UGT1A7: variants seen among roughly 807,000 people sequenced by gnomAD.
UGT1A7 encodes the protein UDP-glucuronosyltransferase 1A7.
Under a neutral mutation model 45.6 loss-of-function variants are expected in UGT1A7, and 33 were observed. That is an observed-to-expected ratio of 0.72 (90% CI 0.55 to 0.97). The LOEUF is 0.97. Ranked by LOEUF, UGT1A7 falls within the 50% of genes least tolerant of loss-of-function variation. The pLI is 0.00. For synonymous variants in UGT1A7, 274 were observed against 250.6 expected (o/e 1.09, Z -0.88); for missense variants, 684 against 666.2 (o/e 1.03, Z -0.29).
intron 1 of UGT1A7, chr2:233,743,944 C>T (rs558062868): frequency 4.4e-5 from 59 of 1,351,522 alleles, no homozygotes; most frequent in Non-Finnish European, 5.5e-5. Flanking sequence ...GCCCACCAGG[C>T]ACTGGCACAG....
At chr2:233,706,564 T>A (rs2125604446) in intron 1 of UGT1A7, among the ~76,000 whole-genome samples, 1 of 152,250 alleles carries the variant, frequency 6.6e-6, no homozygotes, top group South Asian at 2.1e-4. Flanking sequence ...TCTCAAACCT[T>A]AGGGTAAGAG....
intron 1 of UGT1A7, among the ~76,000 whole-genome samples, chr2:233,759,225 G>A (rs984421918): frequency 4.6e-5 from 7 of 152,188 alleles, no homozygotes; most frequent in Admixed American, 2.0e-4. Context: ...TTATGCAAAT[G>A]AAGGATGGAA....
chr2:233,690,705 G>T (rs563167001), intron 1 of UGT1A7: 10 of 1,228,730 alleles, frequency 8.1e-6, no homozygotes, highest in Non-Finnish European at 1.0e-5. Context: ...TTTAGGGATC[G>T]TCATTATGAC....
At chr2:233,732,592 G>T (rs1029582982) in intron 1 of UGT1A7, among the ~76,000 whole-genome samples, 1 of 152,094 alleles carries the variant, frequency 6.6e-6, no homozygotes, top group African/African-American at 2.4e-5. Flanking sequence ...TTTTTGTCAG[G>T]TTTGTCAAAG....
intron 1 of UGT1A7, among the ~76,000 whole-genome samples, chr2:233,683,437 G>T (rs192559785): frequency 4.6e-5 from 7 of 152,160 alleles, no homozygotes; most frequent in South Asian, 2.1e-4. Context: ...GCAATAATAA[G>T]AATTCTTGTA....
chr2:233,712,754 C>T lies in UGT1A7; in HGVS notation c.855+29962C>T, dbSNP rs910147754. ...GCTTGAACTTGGATGTTCCCCAGAGCGAGCGCAAGGTCAGATGAGTTTTTC... is the reference window on the plus strand; with the variant it reads ...GCTTGAACTTGGATGTTCCCCAGAGTGAGCGCAAGGTCAGATGAGTTTTTC... On this transcript the variant is annotated intron_variant, in intron 1 of 4. Coordinates refer to ENST00000373426, the MANE Select transcript of UGT1A7 (RefSeq NM_019077.3). Among the ~76,000 whole-genome samples the T allele has an allele frequency of 2.6e-5, 4 of 151,984 alleles. No homozygotes were observed. The East Asian group carries it at 5.8e-4, about 22-fold the overall frequency.
At position 233,769,509 on chromosome 2, in the gene UGT1A7, C is replaced by T; in HGVS notation, c.1295+1070C>T. 2 of 1,612,822 alleles carry T rather than the reference C, an allele frequency of 1.2e-6. No homozygotes were observed. Among genetic ancestry groups the T allele is most frequent in the Non-Finnish European group, 1.7e-6 (2 of 1,179,850 alleles). On this transcript the variant is annotated intron_variant, in intron 4 of 4. Coordinates refer to ENST00000373426, the MANE Select transcript of UGT1A7 (RefSeq NM_019077.3). This position sits in a 1 kb window ranked among gnomAD's most constrained non-coding sequence, Gnocchi z 4.4. Reference sequence around the variant, plus strand: ...TGTTTATGAGAGTGTCCATTGCTTTCTCCCATGGTTACCTCCTTTAGAAAG... The same window carrying T: ...TGTTTATGAGAGTGTCCATTGCTTTTTCCCATGGTTACCTCCTTTAGAAAG...
At chr2:233,765,400 T>G (rs1698825297) in intron 1 of UGT1A7, among the ~76,000 whole-genome samples, 1 of 152,170 alleles carries the variant, frequency 6.6e-6, no homozygotes, top group Admixed American at 6.5e-5. Context: ...ATGTGGTACA[T>G]ATACACCATG....
At chr2:233,687,854 G>T (rs910544151) in intron 1 of UGT1A7, among the ~76,000 whole-genome samples, 1 of 152,130 alleles carries the variant, frequency 6.6e-6, no homozygotes, top group Non-Finnish European at 1.5e-5. Flanking sequence ...GCTGCAGTAA[G>T]CCATGACTAT....
intron 1 of UGT1A7, chr2:233,754,823 A>T (rs1695601999): frequency 7.5e-7 from 1 of 1,338,226 alleles, no homozygotes; most frequent in South Asian, 1.2e-5. Flanking sequence ...CACCCTCAAA[A>T]GCTGGAAATT....
At chr2:233,688,425 CTA>C (rs2074893885) in intron 1 of UGT1A7, among the ~76,000 whole-genome samples, 1 of 152,216 alleles carries the variant, frequency 6.6e-6, no homozygotes, top group Non-Finnish European at 1.5e-5. Context: ...TGCCTAACCT[CTA>C]TACCTGACTG....
At chr2:233,729,022 G>A (rs1236460241) in intron 1 of UGT1A7, 8 of 1,594,664 alleles carry the variant, frequency 5.0e-6, no homozygotes, top group South Asian at 4.6e-5. Flanking sequence ...CCAATTACAC[G>A]TTGATTTGCT....
In UGT1A7 at chr2:233,733,060, C is replaced by G. The variant is rs187398935; in HGVS notation, c.856-33974C>G. Among the ~76,000 whole-genome samples the G allele has an allele frequency of 7.2e-5, 11 of 152,200 alleles. No individual in the cohort carries two copies. The East Asian group carries it at 2.1e-3, about 29-fold the overall frequency. ...AAGTTGGATTCCTAGGTATTTTATT[C>G]TCTTTGTAGCAATTGTGAATGGGAG... is the stretch of plus-strand genomic sequence containing the variant. On this transcript the variant is annotated intron_variant, in intron 1 of 4. Transcript: ENST00000373426.
chr2:233,691,493 C>T, intron 1 of UGT1A7: 1 of 985,764 alleles, frequency 1.0e-6, no homozygotes, highest in Non-Finnish European at 1.2e-6. Context: ...TGGGTGGGAA[C>T]AGGAACTCGC....
intron 1 of UGT1A7, among the ~76,000 whole-genome samples, chr2:233,734,479 AT>A (rs1271707890): frequency 6.6e-6 from 1 of 151,796 alleles, no homozygotes; most frequent in Non-Finnish European, 1.5e-5. Flanking sequence ...GGATTCATTG[AT>A]TTTTTTGAAG....
At chr2:233,733,854 T>G (rs1332608655) in intron 1 of UGT1A7, among the ~76,000 whole-genome samples, 12 of 152,088 alleles carry the variant, frequency 7.9e-5, no homozygotes, top group Admixed American at 7.9e-4. Flanking sequence ...CTTTTTCTAT[T>G]GATTGGAATA....
intron 1 of UGT1A7, chr2:233,713,123 G>T (rs571793851): frequency 6.2e-7 from 1 of 1,614,234 alleles, no homozygotes; most frequent in South Asian, 1.1e-5. Context: ...GGCTCAGCAT[G>T]CGGGAGGCCT....
chr2:233,719,732 C>T (rs765294147), intron 1 of UGT1A7: 1 of 1,613,492 alleles, frequency 6.2e-7, no homozygotes, highest in South Asian at 1.1e-5. Flanking sequence ...AGGCAAAACA[C>T]TTTTTAAAAA....
At chr2:233,765,903 C>A (rs906451235) in intron 1 of UGT1A7, among the ~76,000 whole-genome samples, 6 of 152,044 alleles carry the variant, frequency 3.9e-5, no homozygotes, top group African/African-American at 1.5e-4. Flanking sequence ...ACTGCTCAAA[C>A]CTCTAGGGGA....
Sources: allele counts gnomAD v4.1 joint callset (sites outside exome capture counted in the v4.1 genomes callset), GRCh38; gene constraint gnomAD v4.1.1; non-coding constraint Gnocchi (gnomAD v3.1); transcripts MANE v1.5; gene names NCBI Gene and HGNC (gene_info 2026-07-23, HGNC 2026-07-21).